The following PCDHGA5 variants were observed in gnomAD, a reference collection of about 807,000 sequenced individuals.
PCDHGA5 encodes protocadherin gamma-A5.
Under a neutral mutation model 56.7 loss-of-function variants are expected in PCDHGA5, and 36 were observed. That is an observed-to-expected ratio of 0.64 (90% CI 0.49 to 0.84). The LOEUF (loss-of-function observed/expected upper bound fraction) is 0.84, where lower values mean the gene tolerates loss of function less well. PCDHGA5 is among the 40% of genes least tolerant of loss of function. The pLI, the probability that PCDHGA5 is intolerant of heterozygous loss-of-function variation, is 0.00. For missense variants in PCDHGA5, 1,305 were observed against 1,201.5 expected (o/e 1.09, Z -1.27); for synonymous variants, 563 against 520.2 (o/e 1.08, Z -1.12).
chr5:141,399,890 T>A, intron 1 of PCDHGA5: 1 of 1,612,638 alleles, frequency 6.2e-7, no homozygotes, highest in South Asian at 1.1e-5. Context: ...ACCAAGGTAG[T>A]GGCCGTGGAC....
intron 1 of PCDHGA5, among the ~76,000 whole-genome samples, chr5:141,459,812 A>G (rs1390780491): frequency 1.3e-5 from 2 of 152,232 alleles, no homozygotes; most frequent in South Asian, 2.1e-4. Context: ...GACTAGAGAC[A>G]CTGAGCAACT....
Position 141,366,743 on chromosome 5 carries a change from C to CGAGTT in PCDHGA5, c.2414_2418dup (p.Gln807GlufsTer46). ...GGTAGATGCAAACAAAGAAGAACGG[C>CGAGTT]GAGTTCAGGTTAGTTTTCTCTTTCG... On this transcript the variant is annotated frameshift_variant, in exon 1 of 4. Coordinates refer to ENST00000518069, the MANE Select transcript of PCDHGA5 (RefSeq NM_018918.3). LOFTEE classifies it high-confidence loss of function. 1 of 1,611,598 alleles carries CGAGTT rather than the reference C, an allele frequency of 6.2e-7. No individual in the cohort carries two copies. Among genetic ancestry groups the CGAGTT allele is most frequent in the Non-Finnish European group, 8.5e-7 (1 of 1,178,160 alleles).
At chr5:141,412,938 T>C (rs2095590973) in intron 1 of PCDHGA5, 3 of 461,786 alleles carry the variant, frequency 6.5e-6, no homozygotes, top group Admixed American at 7.7e-5. Context: ...TTCTTAGGAC[T>C]CTGAGCGCCG....
chr5:141,375,522 A>C, intron 1 of PCDHGA5: 1 of 1,614,010 alleles, frequency 6.2e-7, no homozygotes, highest in Non-Finnish European at 8.5e-7. Flanking sequence ...CTGGACCCTG[A>C]CGTGGACCAG....
chr5:141,462,243 A>C (rs141980823), intron 1 of PCDHGA5, among the ~76,000 whole-genome samples: 70 of 152,368 alleles, frequency 4.6e-4, no homozygotes, highest in African/African-American at 1.6e-3. Flanking sequence ...TACAGGTATG[A>C]GCCACCATGA....
rs528172004 is a variant in PCDHGA5 at position 141,370,968 on chromosome 5, C to G, written c.2421+4217C>G. The G allele has an allele frequency of 1.1e-3, 1,752 of 1,613,966 alleles. 34 individuals are homozygous for G. In the South Asian group the frequency reaches 0.018, roughly 17 times the overall value. On this transcript the variant is annotated intron_variant, in intron 1 of 3. Coordinates refer to ENST00000518069, the MANE Select transcript of PCDHGA5 (RefSeq NM_018918.3). Reference sequence around the variant, plus strand: ...GGAGAACCTGGATGGCAGTAGGTACCCAGAGCTAGTACTGAAAGCACCCCT... The same window carrying G: ...GGAGAACCTGGATGGCAGTAGGTACGCAGAGCTAGTACTGAAAGCACCCCT...
chr5:141,428,594 G>A (rs1317075888), intron 1 of PCDHGA5: 4 of 227,916 alleles, frequency 1.8e-5, no homozygotes, highest in African/African-American at 9.1e-5. Context: ...CTGGTAGCAA[G>A]CTTCACTGAA....
At chr5:141,495,558 A>G (rs2099762084) in intron 2 of PCDHGA5, among the ~76,000 whole-genome samples, 1 of 151,662 alleles carries the variant, frequency 6.6e-6, no homozygotes, top group Admixed American at 6.6e-5. Flanking sequence ...TCGCTTTGCA[A>G]TCTCTGCCTC....
At chr5:141,417,302 G>A (rs1267397415) in intron 1 of PCDHGA5, 1 of 152,270 alleles carries the variant, frequency 6.6e-6, no homozygotes, top group Non-Finnish European at 1.5e-5. Context: ...GCCTCTGGAT[G>A]GAGGAATTGG....
At chr5:141,436,042 T>A (rs1246680632) in intron 1 of PCDHGA5, among the ~76,000 whole-genome samples, 4 of 152,182 alleles carry the variant, frequency 2.6e-5, no homozygotes, top group Non-Finnish European at 5.9e-5. Context: ...TGTATTTACA[T>A]TAGTTTTCAA....
At chr5:141,428,320 T>G in intron 1 of PCDHGA5, 2 of 650,176 alleles carry the variant, frequency 3.1e-6, no homozygotes, top group Non-Finnish European at 5.5e-6. Context: ...GGCCTTGGCC[T>G]TGATTTCTAT....
At chr5:141,384,574 C>T in intron 1 of PCDHGA5, 1 of 1,614,228 alleles carries the variant, frequency 6.2e-7, no homozygotes, top group Non-Finnish European at 8.5e-7. Flanking sequence ...GAATGACAAC[C>T]CGCCCGAGAT....
chr5:141,488,095 A>G (rs78361634), intron 1 of PCDHGA5, among the ~76,000 whole-genome samples: 8,142 of 152,146 alleles, frequency 0.054, 446 homozygotes, highest in African/African-American at 0.15. Flanking sequence ...CTGTGAAGGG[A>G]CCTCTCTATT....
chr5:141,419,018 AG>A (rs2096314197), intron 1 of PCDHGA5: 1 of 1,613,838 alleles, frequency 6.2e-7, no homozygotes, highest in African/African-American at 1.3e-5. Context: ...GTGTAGCTTA[AG>A]TAGAGGTGTT....
intron 1 of PCDHGA5, chr5:141,413,943 T>A: frequency 1.2e-6 from 2 of 1,613,420 alleles, no homozygotes; most frequent in Non-Finnish European, 1.7e-6. Context: ...TGAGTGTTCC[T>A]GAGAATTTGC....
chr5:141,374,295 G>A (rs758241355), intron 1 of PCDHGA5: 3 of 1,613,962 alleles, frequency 1.9e-6, no homozygotes, highest in East Asian at 2.2e-5. Context: ...TCCAGAGGTA[G>A]GATGCAGCTT....
chr5:141,396,179 C>G (rs948602586), intron 1 of PCDHGA5: 1 of 152,178 alleles, frequency 6.6e-6, no homozygotes, highest in African/African-American at 2.4e-5. Context: ...CTTGGCTGGA[C>G]ACAGTGCCTC....
chr5:141,439,632 T>C (rs1335553818), intron 1 of PCDHGA5, among the ~76,000 whole-genome samples: 1 of 152,182 alleles, frequency 6.6e-6, no homozygotes, highest in Non-Finnish European at 1.5e-5. Context: ...TCCCCAGACA[T>C]TCCGGCTTGG....
At position 141,491,766 on chromosome 5, in the gene PCDHGA5, T is replaced by G. The variant is rs772444495; in HGVS notation, c.2422-3041T>G. On this transcript the variant is annotated intron_variant, in intron 1 of 3. Coordinates refer to ENST00000518069, the MANE Select transcript of PCDHGA5 (RefSeq NM_018918.3). This position sits in a 1 kb window ranked among gnomAD's most constrained non-coding sequence, Gnocchi z 6.9. ...GCACTGGAGAAGCCGCCCGTCCTCA[T>G]AAGGGATTGAACTTGCATCCACTCC... The G allele has an allele frequency of 1.9e-6, 3 of 1,567,856 alleles. No homozygotes were observed. Among genetic ancestry groups the G allele is most frequent in the Non-Finnish European group, 8.6e-7 (1 of 1,158,088 alleles).
Sources: allele counts gnomAD v4.1 joint callset (sites outside exome capture counted in the v4.1 genomes callset), GRCh38; gene constraint gnomAD v4.1.1; non-coding constraint Gnocchi (gnomAD v3.1); transcripts MANE v1.5; gene names NCBI Gene and HGNC (gene_info 2026-07-23, HGNC 2026-07-21).